ALX4: variants seen among roughly 807,000 people sequenced by gnomAD.
The protein encoded by ALX4 is ALX homeobox 4, also known as homeobox protein aristaless-like 4.
ALX4 carries 22 observed loss-of-function variants against 40.6 expected under a neutral mutation model. The observed-to-expected ratio is 0.54, with a 90% CI of 0.39 to 0.77. The LOEUF is 0.77. Among genes scored for constraint, ALX4 ranks in the 30% least tolerant of loss-of-function variants. The probability of loss-of-function intolerance (pLI) is 0.00; values close to 1 mark genes in which losing one functional copy is unlikely to be tolerated. For missense variants in ALX4, 556 were observed against 564.8 expected, an observed-to-expected ratio of 0.98 and a Z score of 0.16; for synonymous variants, 266 against 240.5, an observed-to-expected ratio of 1.11 and a Z score of -0.98.
intron 1 of ALX4, among the ~76,000 whole-genome samples, chr11:44,302,118 C>A (rs1031266845): frequency 1.3e-5 from 2 of 152,158 alleles, no homozygotes; most frequent in African/African-American, 4.8e-5. Context: ...TCCCTGGGGG[C>A]GCCTCTGGAG....
chr11:44,274,454 G>A (rs750441606), intron 2 of ALX4, among the ~76,000 whole-genome samples: 14 of 151,022 alleles, frequency 9.3e-5, no homozygotes, highest in South Asian at 2.1e-4. Context: ...AGTTCTATTC[G>A]GTTGCACTGA....
At chr11:44,306,663 T>C (rs1457685998) in intron 1 of ALX4, among the ~76,000 whole-genome samples, 3 of 152,240 alleles carry the variant, frequency 2.0e-5, no homozygotes, top group African/African-American at 7.2e-5. Context: ...CCTGGGAGCG[T>C]CTAAGGATTT....
At chr11:44,298,985 A>G (rs1008437514) in intron 1 of ALX4, among the ~76,000 whole-genome samples, 2 of 152,060 alleles carry the variant, frequency 1.3e-5, no homozygotes, top group Non-Finnish European at 2.9e-5. Flanking sequence ...TTGAGCATCT[A>G]CTATATAGAC....
At chr11:44,303,423 C>T (rs1038873836) in intron 1 of ALX4, among the ~76,000 whole-genome samples, 7 of 152,150 alleles carry the variant, frequency 4.6e-5, no homozygotes, top group African/African-American at 1.7e-4. Context: ...GCCCCTCTTA[C>T]CCCGCCCGTA....
intron 2 of ALX4, among the ~76,000 whole-genome samples, chr11:44,273,190 TAAAAAAAAA>T (rs35856858): frequency 7.3e-6 from 1 of 137,604 alleles, no homozygotes; most frequent in African/African-American, 2.7e-5. Context: ...CTTTGCTGAT[TAAAAAAAAA>T]AAAAAAAAAA....
intron 1 of ALX4, among the ~76,000 whole-genome samples, chr11:44,299,666 G>A (rs1956424447): frequency 6.6e-6 from 1 of 152,106 alleles, no homozygotes; most frequent in Non-Finnish European, 1.5e-5. Flanking sequence ...TGCCCTGGGG[G>A]CCATGTTTGT....
intron 1 of ALX4, among the ~76,000 whole-genome samples, chr11:44,308,454 C>T (rs1022322354): frequency 2.6e-5 from 4 of 152,332 alleles, no homozygotes; most frequent in Non-Finnish European, 2.9e-5. Context: ...CCACCAGGGC[C>T]GGACCTGAAG....
At chr11:44,302,389 G>A (rs1956439848) in intron 1 of ALX4, among the ~76,000 whole-genome samples, 1 of 152,200 alleles carries the variant, frequency 6.6e-6, no homozygotes, top group African/African-American at 2.4e-5. Flanking sequence ...CACCTAAGCT[G>A]GCTCCTGGGT....
At chr11:44,281,688 G>A (rs577016172) in intron 1 of ALX4, among the ~76,000 whole-genome samples, 1 of 152,118 alleles carries the variant, frequency 6.6e-6, no homozygotes, top group Admixed American at 6.6e-5. Context: ...TGGGGGTGAG[G>A]GCGGAGGTTA....
intron 2 of ALX4, 39 bp from the exon 3 acceptor site, chr11:44,267,661 T>G: frequency 6.2e-7 from 1 of 1,613,588 alleles, no homozygotes. Context: ...CAGGGTGAGA[T>G]GCCCGCCTGG....
intron 1 of ALX4, among the ~76,000 whole-genome samples, chr11:44,277,049 G>T (rs55643140): frequency 0.054 from 8,156 of 152,252 alleles, 314 homozygotes; most frequent in African/African-American, 0.095. Context: ...CCAGCTGTGT[G>T]CTCAGGAGAG....
intron 1 of ALX4, among the ~76,000 whole-genome samples, chr11:44,298,794 CA>C (rs35292801): frequency 0.91 from 133,348 of 146,850 alleles, 60,542 homozygotes; most frequent in Admixed American, 0.93. Flanking sequence ...GGAAACCCTG[CA>C]AAAAAAAAAA....
chr11:44,281,745 G>A (rs899389732), intron 1 of ALX4, among the ~76,000 whole-genome samples: 2 of 152,076 alleles, frequency 1.3e-5, no homozygotes, highest in Non-Finnish European at 2.9e-5. Flanking sequence ...TCTGACACTG[G>A]GGTCTGTCCA....
At chr11:44,265,853 G>A (rs1956210837) in intron 3 of ALX4, among the ~76,000 whole-genome samples, 1 of 152,184 alleles carries the variant, frequency 6.6e-6, no homozygotes, top group African/African-American at 2.4e-5. Context: ...GTGCAGGGAT[G>A]AGTTGGCCAT....
intron 1 of ALX4, among the ~76,000 whole-genome samples, chr11:44,276,872 G>A (rs1272733128): frequency 1.3e-5 from 2 of 152,164 alleles, no homozygotes; most frequent in African/African-American, 4.8e-5. Context: ...TCTGACAGGA[G>A]CCAGAACTTG....
At chr11:44,269,070 T>C (rs969123951) in intron 2 of ALX4, among the ~76,000 whole-genome samples, 23 of 152,196 alleles carry the variant, frequency 1.5e-4, no homozygotes, top group Middle Eastern at 3.4e-3. Flanking sequence ...AATATAGGAG[T>C]CAGCTCTCAA....
At position 44,264,708 on chromosome 11, in the gene ALX4, G is replaced by T; in HGVS notation, c.*146C>A. On this transcript the variant is annotated 3_prime_UTR_variant, in exon 4 of 4. Coordinates refer to ENST00000652299, the MANE Select transcript of ALX4 (RefSeq NM_021926.4). The stretch of plus-strand genomic sequence containing the variant: ...CCTCCCAGCAGTCCACGGGGCCTCA[G>T]ACTTGGGGCGGCTGAAAGTGCTGAG... The T allele has an allele frequency of 1.1e-6, 1 of 920,996 alleles. No individual in the cohort carries two copies. The highest frequency in any genetic ancestry group is 1.6e-6 in the Non-Finnish European group (1 of 619,404). 57.1% of individuals were successfully genotyped at this position (920,996 alleles called of 1,614,324 possible). A position where few individuals can be genotyped will look rare whatever the true frequency, so the allele number is the denominator to read the frequency against.
intron 3 of ALX4, 111 bp downstream of exon 3, chr11:44,267,383 G>T: frequency 7.0e-7 from 1 of 1,437,876 alleles, no homozygotes; most frequent in Non-Finnish European, 9.5e-7. Flanking sequence ...AGACGGAAGG[G>T]CAGCCTGGAG....
chr11:44,264,906 G>A lies in ALX4; in HGVS notation c.1184C>T (p.Ala395Val). 2 of 1,613,016 alleles carry A rather than the reference G, an allele frequency of 1.2e-6. No individual in the cohort carries two copies. Among genetic ancestry groups the A allele is most frequent in the Non-Finnish European group, 1.7e-6 (2 of 1,179,922 alleles). Residue 395 changes from alanine to valine, a missense_variant, in exon 4 of 4, where the codon GCC becomes GTC. By Grantham distance (64) the Ala-to-Val change is moderately conservative (BLOSUM62 0). Transcript: ENST00000652299. ...EPDRKTSSIAALRMKAKEHSA... is the reference protein window; with the variant it reads ...EPDRKTSSIAVLRMKAKEHSA... ...GTGCTCCTTGGCCTTCATGCGGAGG[G>A]CCGCGATGCTCGAGGTCTTGCGGTC...
Sources: gnomAD v4.1 joint callset for allele counts (sites outside exome capture counted in the v4.1 genomes callset) on GRCh38, gnomAD v4.1.1 for gene constraint, MANE v1.5 for transcripts, NCBI Gene and HGNC (gene_info 2026-07-23, HGNC 2026-07-21) for gene names.